AKR1E2: variants seen among roughly 807,000 people sequenced by gnomAD.
AKR1E2 encodes the protein 1,5-anhydro-D-fructose reductase.
In AKR1E2, 43 loss-of-function variants were observed where a neutral mutation model predicts 41.9. The ratio of observed to expected loss-of-function variants is 1.03; its 90% CI spans 0.80 to 1.32. The LOEUF is 1.32. Ranked by LOEUF, AKR1E2 falls within the 40% of genes most tolerant of loss-of-function variation. AKR1E2 has a pLI of 0.00. For missense variants in AKR1E2, 423 were observed against 396.5 expected (o/e 1.07, Z -0.57); for synonymous variants, 121 against 138.9 (o/e 0.87, Z 0.91).
intron 8 of AKR1E2, among the ~76,000 whole-genome samples, chr10:4,843,735 T>C (rs1834070765): frequency 1.3e-5 from 2 of 152,328 alleles, no homozygotes; most frequent in Admixed American, 1.3e-4. Context: ...CCACCCACGA[T>C]GGGAGGACCA....
At chr10:4,843,010 C>T (rs1042698447) in intron 8 of AKR1E2, among the ~76,000 whole-genome samples, 4 of 152,214 alleles carry the variant, frequency 2.6e-5, no homozygotes, top group African/African-American at 9.6e-5. Flanking sequence ...GGAGTGAAGA[C>T]TGGAACAGGT....
chr10:4,846,156 C>T (rs999523600), intron 8 of AKR1E2: 6 of 263,878 alleles, frequency 2.3e-5, no homozygotes, highest in East Asian at 9.6e-5. Flanking sequence ...CCAGATGACA[C>T]GCTGAGGCTA....
the AKR1E2 span, among the ~76,000 whole-genome samples, chr10:4,860,096 ACCTCAGATCCTTTC>A: frequency 1.3e-5 from 2 of 152,020 alleles, no homozygotes; most frequent in Admixed American, 1.3e-4. Flanking sequence ...TGGGGCAAAA[ACCTCAGATCCTTTC>A]CAGTTCCTGA....
the AKR1E2 span, among the ~76,000 whole-genome samples, chr10:4,854,826 C>T: frequency 6.6e-6 from 1 of 152,120 alleles, no homozygotes; most frequent in Middle Eastern, 3.4e-3. Flanking sequence ...ACTTGACTGA[C>T]CTTGGGTTAG....
At chr10:4,834,888 T>C (rs1043518575) in intron 3 of AKR1E2, among the ~76,000 whole-genome samples, 2 of 152,222 alleles carry the variant, frequency 1.3e-5, no homozygotes, top group Admixed American at 6.5e-5. Flanking sequence ...GACAATTAGA[T>C]CAGGGTCCGA....
the AKR1E2 span, among the ~76,000 whole-genome samples, chr10:4,855,898 C>T: frequency 1.4e-4 from 21 of 152,124 alleles, no homozygotes; most frequent in Non-Finnish European, 2.6e-4. Context: ...TTACCTAGTT[C>T]GGAGCATTCG....
intron 3 of AKR1E2, 57 bp from the exon 4 acceptor site, chr10:4,835,618 G>GA: frequency 8.8e-7 from 1 of 1,133,268 alleles, no homozygotes; most frequent in Non-Finnish European, 1.2e-6. Context: ...CTGACACATG[G>GA]TTTTTTTTGT....
Position 4,841,780 on chromosome 10 carries a change from T to C in AKR1E2, c.681-5T>C. 1 of 1,610,154 alleles carries C rather than the reference T, an allele frequency of 6.2e-7. No homozygotes were observed. Among genetic ancestry groups the C allele is most frequent in the Non-Finnish European group, 8.5e-7 (1 of 1,177,858 alleles). ...GGCTCACTCCCCTGTACTGTGTCTCTCTAGTGAGGGGGTTGACCTGATAGA... is the reference window on the plus strand; with the variant it reads ...GGCTCACTCCCCTGTACTGTGTCTCCCTAGTGAGGGGGTTGACCTGATAGA... On this transcript the variant is annotated splice_polypyrimidine_tract_variant and splice_region_variant and intron_variant, in intron 6 of 9. Transcript: ENST00000298375.
rs1033436888 is a variant in AKR1E2, at chr10:4,830,733, A to C, written c.98A>C (p.His33Pro). 3.1e-6 allele frequency: 5 copies of C among 1,614,036 alleles called. No individual in the cohort carries two copies. Among genetic ancestry groups the C allele is most frequent in the Non-Finnish European group, 3.4e-6 (4 of 1,180,026 alleles). Residue 33 changes from histidine (H) to proline (P), a missense_variant, in exon 2 of 10, where the codon CAC (histidine) becomes CCC (proline). Physicochemically the swap from His to Pro is moderately conservative, Grantham distance 77 (BLOSUM62 -2). Transcript: ENST00000298375. ...GAGGCCATTGACGCAGGGTACCGGC[A>C]CTTCGACTGTGCTTACTTTTACCAC... ...VKEAIDAGYR[H>P]FDCAYFYHNE...
the AKR1E2 span, among the ~76,000 whole-genome samples, chr10:4,856,335 C>G: frequency 6.6e-6 from 1 of 152,144 alleles, no homozygotes; most frequent in South Asian, 2.1e-4. Flanking sequence ...GGGGTATTAT[C>G]TAGCTTTTTG....
chr10:4,842,591 T>C (rs1833977329), intron 8 of AKR1E2, 87 bp downstream of exon 8: 1 of 1,265,254 alleles, frequency 7.9e-7, no homozygotes. Flanking sequence ...AGCCTCAGGG[T>C]TGCGGAGCTT....
rs200325884 is a variant in AKR1E2, at chr10:4,830,714, A to G, written c.79A>G (p.Ile27Val). 12 of 1,614,160 alleles carry G rather than the reference A, an allele frequency of 7.4e-6. No individual in the cohort carries two copies. The highest frequency in any genetic ancestry group is 5.3e-5 in the African/African-American group (4 of 75,046). ...GKVTEAVKEA[I>V]DAGYRHFDCA... ...AGTGACCGAGGCAGTGAAAGAGGCC[A>G]TTGACGCAGGGTACCGGCACTTCGA... is the stretch of plus-strand genomic sequence containing the variant. The change falls in exon 2 of 10, where the codon ATT (isoleucine) becomes GTT (valine). Residue 27 changes from isoleucine (I) to valine (V), a missense_variant. Ile to Val is a conservative substitution (Grantham distance 29). Coordinates refer to ENST00000298375, the MANE Select transcript of AKR1E2 (RefSeq NM_001040177.3).
chr10:4,839,284 G>A (rs1398608489), intron 5 of AKR1E2, among the ~76,000 whole-genome samples: 1 of 152,120 alleles, frequency 6.6e-6, no homozygotes, highest in African/African-American at 2.4e-5. Context: ...AGACATCTAT[G>A]AACAAAACAA....
upstream of AKR1E2, among the ~76,000 whole-genome samples, chr10:4,825,816 G>A (rs954644294): frequency 3.9e-5 from 6 of 152,214 alleles, no homozygotes; most frequent in Non-Finnish European, 8.8e-5. Context: ...GCCATGGCGA[G>A]GCCCTGGAAC....
At chr10:4,866,782 A>G in the AKR1E2 span, among the ~76,000 whole-genome samples, 5 of 151,474 alleles carry the variant, frequency 3.3e-5, no homozygotes, top group South Asian at 6.3e-4. Context: ...GTGAGCCAGG[A>G]GTGCTGAGTA....
At chr10:4,869,580 A>G in the AKR1E2 span, among the ~76,000 whole-genome samples, 1 of 151,250 alleles carries the variant, frequency 6.6e-6, no homozygotes, top group Admixed American at 6.6e-5. Context: ...ATTTTGCTCT[A>G]CCTTTTCTAG....
intron 3 of AKR1E2, among the ~76,000 whole-genome samples, chr10:4,835,013 G>A (rs963780059): frequency 6.6e-6 from 1 of 152,194 alleles, no homozygotes; most frequent in Non-Finnish European, 1.5e-5. Context: ...CCTCTTTCAT[G>A]TGTATCAGGC....
At chr10:4,833,845 T>C (rs1226840118) in intron 3 of AKR1E2, among the ~76,000 whole-genome samples, 2 of 152,246 alleles carry the variant, frequency 1.3e-5, no homozygotes, top group Non-Finnish European at 2.9e-5. Context: ...GGTTCTGTTC[T>C]CTTTGGGGAG....
intron 3 of AKR1E2, 83 bp from the exon 4 acceptor site, chr10:4,835,592 C>G: frequency 6.7e-7 from 1 of 1,500,942 alleles, no homozygotes; most frequent in East Asian, 2.4e-5. Flanking sequence ...AGGGCTGTGG[C>G]TTGGATGCAG....
Sources: allele counts gnomAD v4.1 joint callset (sites outside exome capture counted in the v4.1 genomes callset), GRCh38; gene constraint gnomAD v4.1.1; transcripts MANE v1.5; gene names NCBI Gene and HGNC (gene_info 2026-07-23, HGNC 2026-07-21).